YY1AP1: variants seen among roughly 807,000 people sequenced by gnomAD.
The protein encoded by YY1AP1 is YY1 associated protein 1.
YY1AP1 carries 43 observed loss-of-function variants against 39.9 expected under a neutral mutation model. The observed-to-expected ratio is 1.08, with a 90% CI of 0.84 to 1.39. YY1AP1 has a LOEUF of 1.39. YY1AP1 is among the 40% of genes most tolerant of loss of function. YY1AP1 has a pLI of 0.00. For synonymous variants in YY1AP1, 292 were observed against 331.3 expected (o/e 0.88, Z 1.29); for missense variants, 813 against 900.7 (o/e 0.90, Z 1.25).
Position 155,659,577 on chromosome 1 carries a change from TC to T in YY1AP1, c.*79del. The T allele has an allele frequency of 6.6e-7, 1 of 1,512,478 alleles. No individual in the cohort carries two copies. Among genetic ancestry groups the T allele is most frequent in the South Asian group, 1.2e-5 (1 of 82,464 alleles). The allele number at this position is 1,512,478 out of a possible 1,614,324, so 93.7% of individuals were successfully genotyped here. On this transcript the variant is annotated 3_prime_UTR_variant, in exon 11 of 11. Transcript: ENST00000355499. ...GGGGTTTAAGTACCCTTTAGGGGTTTCCTATTGGTTACACCCTATGCGCCAC... is the reference window on the plus strand; with the variant it reads ...GGGGTTTAAGTACCCTTTAGGGGTTTCTATTGGTTACACCCTATGCGCCAC...
In YY1AP1 at chr1:155,661,550, C is replaced by CACACACAA. The variant is rs1206217942; in HGVS notation, c.880-128_880-127insTTGTGTGT. On this transcript the variant is annotated intron_variant, in intron 9 of 10. Coordinates refer to ENST00000355499, the MANE Select transcript of YY1AP1 (RefSeq NM_139119.3). ...ACACACACACACACACACACACACACAAGACCACATACACAAACATCCATG... is the reference window on the plus strand; with the variant it reads ...ACACACACACACACACACACACACACACACACAAAAGACCACATACACAAACATCCATG... 11 of 1,448,868 alleles carry CACACACAA rather than the reference C, an allele frequency of 7.6e-6. No individual in the cohort carries two copies. The East Asian group carries it at 2.5e-4, about 33-fold the overall frequency. The allele number at this position is 1,448,868 out of a possible 1,614,324, so 89.8% of individuals were successfully genotyped here.
intron 2 of YY1AP1, among the ~76,000 whole-genome samples, chr1:155,685,146 A>AT (rs1342921991): frequency 6.6e-6 from 1 of 152,192 alleles, no homozygotes; most frequent in Non-Finnish European, 1.5e-5. Flanking sequence ...TACAAAACAT[A>AT]TTTTTTTAAA....
intron 9 of YY1AP1, among the ~76,000 whole-genome samples, chr1:155,662,477 G>A (rs981601326): frequency 4.0e-5 from 6 of 150,366 alleles, no homozygotes; most frequent in Admixed American, 1.3e-4. Context: ...GCACTCCAGC[G>A]TTGGTAACAG....
In YY1AP1 at chr1:155,660,792, T is replaced by G. The variant is rs1213187667; in HGVS notation, c.1118A>C (p.Glu373Ala). 1 of 1,614,106 alleles carries G rather than the reference T, an allele frequency of 6.2e-7. No homozygotes were observed. The highest frequency in any genetic ancestry group is 8.5e-7 in the Non-Finnish European group (1 of 1,180,048). Residue 373 changes from glutamate (E) to alanine (A), a missense_variant, in exon 11 of 11, where the codon GAG becomes GCG. Physicochemically the swap from Glu to Ala is moderately radical, Grantham distance 107. Coordinates refer to ENST00000355499, the MANE Select transcript of YY1AP1 (RefSeq NM_139119.3). ...SDQGLEKDNS[E>A]LGSETRYPLL... The stretch of plus-strand genomic sequence containing the variant: ...TGGGTACCGAGTTTCACTCCCCAAC[T>G]CTGAGTTGTCTTTTTCTAGGCCTTG...
chr1:155,681,036 T>G (rs1488677787), intron 2 of YY1AP1, among the ~76,000 whole-genome samples: 1 of 151,888 alleles, frequency 6.6e-6, no homozygotes, highest in Non-Finnish European at 1.5e-5. Context: ...TAGATGATTT[T>G]TTTTTTTTTT....
rs551025049 is a variant in YY1AP1 at position 155,671,302 on chromosome 1, G to A, written c.584-838C>T. 1.9e-3 allele frequency among the ~76,000 whole-genome samples: 292 copies of A among 151,880 alleles called. 1 individual carries two copies. The highest frequency in any genetic ancestry group is 5.2e-3 in the South Asian group (25 of 4,812). On this transcript the variant is annotated intron_variant, in intron 7 of 10. Coordinates refer to ENST00000355499, the MANE Select transcript of YY1AP1 (RefSeq NM_139119.3). ...AAAAATTAGCCAGGCATGGTGGCAC[G>A]CACCTGTAATTCCAGCTACTTGGGA...
Position 155,674,837 on chromosome 1 carries a change from G to GA in YY1AP1, c.411+172dup, listed in dbSNP as rs367615342. On this transcript the variant is annotated intron_variant, in intron 6 of 10. Transcript: ENST00000355499. Reference sequence around the variant, plus strand: ...CAAGACCCTGTCTCAAAAAAGAAAAGAAAAAATTGAATACACTCTTTGTCC... The same window carrying GA: ...CAAGACCCTGTCTCAAAAAAGAAAAGAAAAAAATTGAATACACTCTTTGTCC... The GA allele has an allele frequency of 1.8e-3, 1,019 of 554,638 alleles. 4 individuals carry two copies. The highest frequency in any genetic ancestry group is 1.1e-3 in the Non-Finnish European group (344 of 317,944). The allele number at this position is 554,638 out of a possible 1,614,324, so 34.4% of individuals were successfully genotyped here.
intron 9 of YY1AP1, among the ~76,000 whole-genome samples, chr1:155,662,181 C>T (rs1049631562): frequency 2.0e-5 from 3 of 151,842 alleles, no homozygotes; most frequent in Admixed American, 6.6e-5. Context: ...AAAAAAAGAC[C>T]GAGGCAGTTC....
intron 4 of YY1AP1, chr1:155,679,121 C>T: frequency 7.5e-7 from 1 of 1,329,216 alleles, no homozygotes; most frequent in Non-Finnish European, 9.8e-7. Flanking sequence ...TGTGGCTGGC[C>T]ACATTGAGTC....
At chr1:155,683,288 A>C (rs1410169744) in intron 2 of YY1AP1, among the ~76,000 whole-genome samples, 1 of 152,158 alleles carries the variant, frequency 6.6e-6, no homozygotes, top group African/African-American at 2.4e-5. Flanking sequence ...AGTGCTTGGC[A>C]CATAATAAGC....
rs374748241 is a variant in YY1AP1 at position 155,675,016 on chromosome 1, T to A, written c.405A>T (p.Ile135=). ...CGGCAATTTGGAAACTTACAAGACA[T>A]ATCCTGGTGCTACTGGCCTCCGGAT... ...NLNPEASSTR[I]CLKELGTFAQ... is the part of the protein sequence containing the mutation. The change falls in exon 6 of 11, where the codon ATA becomes ATT. Residue 135 remains isoleucine (I), a synonymous_variant. Transcript: ENST00000355499. The A allele has an allele frequency of 6.2e-7, 1 of 1,613,106 alleles. No homozygotes were observed. The highest frequency in any genetic ancestry group is 1.3e-5 in the African/African-American group (1 of 75,002).
Position 155,682,483 on chromosome 1 carries a change from G to A in YY1AP1, c.-20-2027C>T, listed in dbSNP as rs967978505. Among the ~76,000 whole-genome samples the A allele has an allele frequency of 6.0e-5, 9 of 151,238 alleles. No homozygotes were observed. The South Asian group carries it at 1.3e-3, about 21-fold the overall frequency. The stretch of plus-strand genomic sequence containing the variant: ...TCAGAGTTTTTGTTTCTGTTTTTTC[G>A]AGAGTAGCTGGGATTACAGGCACCT... On this transcript the variant is annotated intron_variant, in intron 2 of 10. Transcript: ENST00000355499.
At position 155,680,328 on chromosome 1, in the gene YY1AP1, T is replaced by C. The variant is rs567121659; in HGVS notation, c.21+88A>G. 1.4e-4 allele frequency: 212 copies of C among 1,478,256 alleles called. 1 individual carries two copies. In the East Asian group the frequency reaches 4.7e-3, roughly 32 times the overall value. 91.6% of individuals were successfully genotyped at this position (1,478,256 alleles called of 1,614,324 possible). A position where few individuals can be genotyped will look rare whatever the true frequency, so the allele number is the denominator to read the frequency against. ...AGGAGAATTGGTTCAGTCCCTCTTC[T>C]AGAAGGAGCATCACAGAGATCAAAG... On this transcript the variant is annotated intron_variant, in intron 3 of 10. Coordinates refer to ENST00000355499, the MANE Select transcript of YY1AP1 (RefSeq NM_139119.3).
chr1:155,685,503 GAAC>G (rs1652086449), intron 2 of YY1AP1, among the ~76,000 whole-genome samples: 1 of 152,132 alleles, frequency 6.6e-6, no homozygotes, highest in Non-Finnish European at 1.5e-5. Flanking sequence ...CAGAGTTTGA[GAAC>G]AAAAAGATAC....
At position 155,688,199 on chromosome 1, in the gene YY1AP1, C is replaced by G; in HGVS notation, c.-149G>C. Reference sequence around the variant, plus strand: ...GTCAGGAGGCGGCCAGCGGGTAAGCCGACTGGCGGAAATGCGAGAGAGGAG... The same window carrying G: ...GTCAGGAGGCGGCCAGCGGGTAAGCGGACTGGCGGAAATGCGAGAGAGGAG... On this transcript the variant is annotated splice_region_variant and 5_prime_UTR_variant, in exon 2 of 11. Transcript: ENST00000355499. 6.2e-7 allele frequency: 1 copy of G among 1,613,954 alleles called. No homozygotes were observed. The highest frequency in any genetic ancestry group is 8.5e-7 in the Non-Finnish European group (1 of 1,179,946).
chr1:155,662,372 T>A (rs1002970742), intron 9 of YY1AP1, among the ~76,000 whole-genome samples: 2 of 151,672 alleles, frequency 1.3e-5, no homozygotes, highest in Non-Finnish European at 1.5e-5. Context: ...GTGCCTGTAA[T>A]CCCAGTTACT....
chr1:155,675,796 A>T (rs6680985), intron 5 of YY1AP1, among the ~76,000 whole-genome samples: 1 of 152,214 alleles, frequency 6.6e-6, no homozygotes, highest in Non-Finnish European at 1.5e-5. Flanking sequence ...CAACTTTATG[A>T]CACAAATTTT....
chr1:155,667,776 C>T (rs897925413), intron 9 of YY1AP1, among the ~76,000 whole-genome samples: 1 of 151,622 alleles, frequency 6.6e-6, no homozygotes, highest in Non-Finnish European at 1.5e-5. Context: ...CAGCCAAGAT[C>T]GCACCATTGC....
chr1:155,688,156 C>A lies in YY1AP1; in HGVS notation c.-106G>T. 2 of 1,613,900 alleles carry A rather than the reference C, an allele frequency of 1.2e-6. No homozygotes were observed. The highest frequency in any genetic ancestry group is 2.2e-5 in the South Asian group (2 of 91,066). ...GGCTCCTCCGCTTCCCTGGGTCCAC[C>A]GCGGATCCCTCCCGCTTGTCAGGAG... On this transcript the variant is annotated 5_prime_UTR_variant, in exon 2 of 11. Transcript: ENST00000355499.
Sources: allele counts gnomAD v4.1 joint callset (sites outside exome capture counted in the v4.1 genomes callset), GRCh38; gene constraint gnomAD v4.1.1; transcripts MANE v1.5; gene names NCBI Gene and HGNC (gene_info 2026-07-23, HGNC 2026-07-21).